SNX24: variants seen among roughly 807,000 people sequenced by gnomAD.
SNX24 encodes sorting nexin 24, also known as sorting nexin-24.
In SNX24, 22 loss-of-function variants were observed where a neutral mutation model predicts 28.7. The observed-to-expected ratio is 0.77, with a 90% CI of 0.55 to 1.10. The LOEUF (loss-of-function observed/expected upper bound fraction) is 1.10. SNX24 is among the 50% of genes least tolerant of loss of function. The pLI is 0.00. For synonymous variants in SNX24, 69 were observed against 71.5 expected, an observed-to-expected ratio of 0.96 and a Z score of 0.18; for missense variants, 221 against 201.1, an observed-to-expected ratio of 1.10 and a Z score of -0.60.
chr5:123,019,768 C>T lies in SNX24; in HGVS notation n.384-9470C>T, dbSNP rs562366149. ...CGCCCACAACTATAAATGTGTCCTTCTAGTAACGTGATCTGCAAAACAGTG... is the reference window on the plus strand; with the variant it reads ...CGCCCACAACTATAAATGTGTCCTTTTAGTAACGTGATCTGCAAAACAGTG... On this transcript the variant is annotated intron_variant and non_coding_transcript_variant, in intron 5 of 5. Transcript: ENST00000502387. 3.3e-5 allele frequency among the ~76,000 whole-genome samples: 5 copies of T among 152,324 alleles called. No homozygotes were observed. In the South Asian group the frequency reaches 1.0e-3, roughly 32 times the overall value.
chr5:122,854,274 TGA>T (rs1755067197), intron 1 of SNX24, among the ~76,000 whole-genome samples: 1 of 152,096 alleles, frequency 6.6e-6, no homozygotes, highest in African/African-American at 2.4e-5. Context: ...TTTGGGAGGC[TGA>T]GGCGGGTGGA....
chr5:122,876,307 A>G (rs1164253082), intron 1 of SNX24, among the ~76,000 whole-genome samples: 2 of 152,196 alleles, frequency 1.3e-5, no homozygotes, highest in Non-Finnish European at 2.9e-5. Context: ...ATTCATTTTC[A>G]TTGGCCATTA....
intron 2 of SNX24, 143 bp downstream of exon 2, chr5:122,936,960 T>C (rs999071549): frequency 3.0e-5 from 14 of 470,372 alleles, no homozygotes; most frequent in Admixed American, 2.8e-4. Flanking sequence ...TAAATTTCTT[T>C]TTGGAATAAG....
intron 1 of SNX24, among the ~76,000 whole-genome samples, chr5:122,908,176 T>C (rs1757729860): frequency 6.6e-6 from 1 of 152,244 alleles, no homozygotes; most frequent in African/African-American, 2.4e-5. Context: ...CAAAATGTCA[T>C]CACCTGAATG....
At chr5:122,862,537 G>C (rs1755514975) in intron 1 of SNX24, among the ~76,000 whole-genome samples, 1 of 150,544 alleles carries the variant, frequency 6.6e-6, no homozygotes, top group East Asian at 1.9e-4. Context: ...AGGAGGCAGA[G>C]CTTGCAGTGA....
chr5:122,909,599 G>A (rs966321386), intron 1 of SNX24, among the ~76,000 whole-genome samples: 1 of 152,218 alleles, frequency 6.6e-6, no homozygotes, highest in East Asian at 1.9e-4. Context: ...CTGCCGTGAA[G>A]AGTAGAGGGC....
downstream of SNX24, among the ~76,000 whole-genome samples, chr5:123,011,298 G>C (rs572492253): frequency 6.0e-4 from 92 of 152,306 alleles, no homozygotes; most frequent in South Asian, 0.019. Flanking sequence ...TGCCTGGACT[G>C]TCTTCGATGC....
intron 1 of SNX24, among the ~76,000 whole-genome samples, chr5:122,913,992 C>T (rs1037175909): frequency 3.9e-5 from 6 of 152,138 alleles, no homozygotes; most frequent in East Asian, 1.9e-4. Flanking sequence ...CACCTGCAAT[C>T]GCAGGCACTC....
chr5:122,956,361 A>AT (rs1554075849), intron 3 of SNX24, among the ~76,000 whole-genome samples: 3,344 of 89,916 alleles, frequency 0.037, 125 homozygotes, highest in African/African-American at 0.084. Flanking sequence ...GGAAAAAAAA[A>AT]ATATATACAC....
intron 1 of SNX24, among the ~76,000 whole-genome samples, chr5:122,853,455 A>G (rs965324468): frequency 1.1e-4 from 17 of 152,244 alleles, no homozygotes; most frequent in African/African-American, 4.1e-4. Context: ...AGGACAAGAA[A>G]TACCGTTTGA....
intron 5 of SNX24, among the ~76,000 whole-genome samples, chr5:123,020,107 C>T (rs1561743377): frequency 1.3e-5 from 2 of 152,150 alleles, no homozygotes; most frequent in South Asian, 2.1e-4. Context: ...TCGCGTAAAG[C>T]GCATGTCCTT....
intron 1 of SNX24, among the ~76,000 whole-genome samples, chr5:122,894,606 A>G (rs1757121973): frequency 6.6e-6 from 1 of 152,092 alleles, no homozygotes; most frequent in Non-Finnish European, 1.5e-5. Flanking sequence ...TGCTTTCTCT[A>G]CCAATTTTTT....
At chr5:122,857,385 TTCA>T (rs1755244086) in intron 1 of SNX24, among the ~76,000 whole-genome samples, 1 of 152,086 alleles carries the variant, frequency 6.6e-6, no homozygotes, top group African/African-American at 2.4e-5. Flanking sequence ...CACTTATCCC[TTCA>T]TCATTTATTT....
chr5:122,877,376 T>G (rs1756272897), intron 1 of SNX24, among the ~76,000 whole-genome samples: 2 of 152,046 alleles, frequency 1.3e-5, no homozygotes, highest in Non-Finnish European at 2.9e-5. Flanking sequence ...GAACTTACCT[T>G]GGTATGCAGA....
rs576015386 is a variant in SNX24, at chr5:122,890,237, T to C, written c.60+44544T>C. ...CTAATTTTGACCACTGGTTAGGTTT[T>C]GATGTTTTCTCTGTTGTCTATGATG... On this transcript the variant is annotated intron_variant, in intron 1 of 6. Transcript: ENST00000261369. 8.5e-5 allele frequency among the ~76,000 whole-genome samples: 13 copies of C among 152,296 alleles called. No homozygotes were observed. In the South Asian group the frequency reaches 2.7e-3, roughly 32 times the overall value.
At chr5:122,954,197 C>CTCTCTA (rs554412836) in intron 3 of SNX24, among the ~76,000 whole-genome samples, 22,782 of 150,562 alleles carry the variant, frequency 0.15, 1,823 homozygotes, top group South Asian at 0.27. Context: ...TTCTCTCTCT[C>CTCTCTA]TATATATATA....
chr5:122,918,290 C>T (rs1182894923), intron 1 of SNX24, among the ~76,000 whole-genome samples: 3 of 151,902 alleles, frequency 2.0e-5, no homozygotes, highest in Admixed American at 6.6e-5. Context: ...GCAGTGGACA[C>T]CATACACAGA....
In SNX24 at chr5:122,911,276, T is replaced by A. The variant is rs1364170144; in HGVS notation, c.61-25458T>A. ...GCTGCATAAATGTCTTCTTTTGAGA[T>A]GTGTCTGTTCATATCCTTTGCCCAC... On this transcript the variant is annotated intron_variant, in intron 1 of 6. Coordinates refer to ENST00000261369, the MANE Select transcript of SNX24 (RefSeq NM_014035.4). Among the ~76,000 whole-genome samples the A allele has an allele frequency of 1.4e-3, 218 of 151,900 alleles. 2 individuals are homozygous for A. The highest frequency in any genetic ancestry group is 3.4e-3 in the Middle Eastern group (1 of 294).
At chr5:122,917,761 G>A (rs540676736) in intron 1 of SNX24, among the ~76,000 whole-genome samples, 8 of 152,290 alleles carry the variant, frequency 5.3e-5, no homozygotes, top group African/African-American at 1.7e-4. Context: ...GCTTCATGGT[G>A]TTCAAGGTAA....
Sources: allele counts gnomAD v4.1 joint callset (sites outside exome capture counted in the v4.1 genomes callset), GRCh38; gene constraint gnomAD v4.1.1; transcripts MANE v1.5; gene names NCBI Gene and HGNC (gene_info 2026-07-23, HGNC 2026-07-21).